PEX11G: variants seen among roughly 807,000 people sequenced by gnomAD.
PEX11G encodes peroxisomal biogenesis factor 11 gamma.
PEX11G carries 20 observed loss-of-function variants against 22.5 expected under a neutral mutation model. The ratio of observed to expected loss-of-function variants is 0.89; its 90% CI spans 0.62 to 1.29. The LOEUF (loss-of-function observed/expected upper bound fraction) is 1.29. Among genes scored for constraint, PEX11G ranks in the 50% most tolerant of loss-of-function variants. The pLI, the probability that PEX11G is intolerant of heterozygous loss-of-function variation, is 0.00. For synonymous variants in PEX11G, 141 were observed against 154.5 expected (o/e 0.91, Z 0.65); for missense variants, 347 against 331.3 (o/e 1.05, Z -0.37).
chr19:7,487,470 C>T (rs181873305), intron 1 of PEX11G, among the ~76,000 whole-genome samples: 33 of 152,276 alleles, frequency 2.2e-4, no homozygotes, highest in East Asian at 7.7e-4. Flanking sequence ...CTCTGCTCCC[C>T]AGGCTCGAGT....
In PEX11G at chr19:7,477,522, G is replaced by T. The variant is rs979622698; in HGVS notation, c.492-86C>A. The T allele has an allele frequency of 6.2e-5, 71 of 1,140,668 alleles. No individual in the cohort carries two copies. The Admixed American group carries it at 7.8e-4, about 13-fold the overall frequency. The allele number at this position is 1,140,668 out of a possible 1,614,324, so 70.7% of individuals were successfully genotyped here. A position where few individuals can be genotyped will look rare whatever the true frequency, so the allele number is the denominator to read the frequency against. ...CCTGAATGCCCTGTGTGGCCTGGCA[G>T]CCCTGAGCCCCTGCCTGTGAGTGGG... On this transcript the variant is annotated intron_variant, in intron 4 of 4. Transcript: ENST00000221480.
intron 2 of PEX11G, among the ~76,000 whole-genome samples, chr19:7,482,908 C>T (rs1246217686): frequency 2.6e-5 from 4 of 152,252 alleles, no homozygotes; most frequent in African/African-American, 9.6e-5. Flanking sequence ...GCAATGCACA[C>T]GCGGGCTCTC....
At chr19:7,483,083 C>A in intron 2 of PEX11G, among the ~76,000 whole-genome samples, 1 of 151,260 alleles carries the variant, frequency 6.6e-6, no homozygotes, top group Non-Finnish European at 1.5e-5. Context: ...GACCCCACCC[C>A]CCTTGGGACC....
At chr19:7,493,128 G>A (rs2021918325), upstream of PEX11G, 1 of 152,142 alleles carries the variant, frequency 6.6e-6, no homozygotes, top group Admixed American at 6.6e-5. Context: ...AGGGAGCATG[G>A]AACACAAGGG....
At chr19:7,488,536 AC>A (rs139119193) in intron 1 of PEX11G, among the ~76,000 whole-genome samples, 9,852 of 152,288 alleles carry the variant, frequency 0.065, 523 homozygotes, top group African/African-American at 0.14. Flanking sequence ...GCGGTGGCTC[AC>A]GCCTGTAATC....
chr19:7,494,592 T>C (rs1183993607), intron 1 of PEX11G, among the ~76,000 whole-genome samples: 1 of 152,150 alleles, frequency 6.6e-6, no homozygotes, highest in East Asian at 1.9e-4. Flanking sequence ...GCAGTGAGCT[T>C]TGCAGACACA....
At position 7,489,023 on chromosome 19, in the gene PEX11G, A is replaced by G; in HGVS notation, c.-13T>C. 3 of 1,512,570 alleles carry G rather than the reference A, an allele frequency of 2.0e-6. No homozygotes were observed. Among genetic ancestry groups the G allele is most frequent in the East Asian group, 2.7e-5 (1 of 37,074 alleles). The allele number at this position is 1,512,570 out of a possible 1,614,324, so 93.7% of individuals were successfully genotyped here. ...TCAGCGACGCCATGGCAACTCCGTGACGTCACCGCGACGTCGGCGCGCCGC... is the reference window on the plus strand; with the variant it reads ...TCAGCGACGCCATGGCAACTCCGTGGCGTCACCGCGACGTCGGCGCGCCGC... On this transcript the variant is annotated 5_prime_UTR_variant, in exon 1 of 5. Transcript: ENST00000221480.
upstream of PEX11G, among the ~76,000 whole-genome samples, chr19:7,491,812 C>G (rs1281096400): frequency 6.6e-6 from 1 of 152,040 alleles, no homozygotes; most frequent in African/African-American, 2.4e-5. Context: ...GCCACCACAT[C>G]TGGCCAATTT....
At chr19:7,483,797 G>A (rs1279474140) in intron 2 of PEX11G, among the ~76,000 whole-genome samples, 6 of 152,024 alleles carry the variant, frequency 3.9e-5, no homozygotes, top group African/African-American at 1.2e-4. Flanking sequence ...GAACAGACAG[G>A]GCAGCCCAGG....
chr19:7,485,835 TA>T lies in PEX11G; in HGVS notation c.249+2del. ...CTCCCTAGAGCCCCACAAACCCTGTTACCTGTGCCCCCAGGCCATATTGCTT... is the reference window on the plus strand; with the variant it reads ...CTCCCTAGAGCCCCACAAACCCTGTTCCTGTGCCCCCAGGCCATATTGCTT... On this transcript the variant is annotated splice_donor_variant, in intron 2 of 4. Transcript: ENST00000221480. LOFTEE classifies it high-confidence loss of function. The T allele has an allele frequency of 6.3e-7, 1 of 1,591,202 alleles. No homozygotes were observed. The highest frequency in any genetic ancestry group is 8.6e-7 in the Non-Finnish European group (1 of 1,161,478).
At chr19:7,488,153 C>A (rs568211617) in intron 1 of PEX11G, among the ~76,000 whole-genome samples, 1 of 152,322 alleles carries the variant, frequency 6.6e-6, no homozygotes, top group African/African-American at 2.4e-5. Flanking sequence ...TCCTAAATGT[C>A]CAAACATGGG....
At chr19:7,488,798 T>C (rs577277752) in intron 1 of PEX11G, among the ~76,000 whole-genome samples, 153 bp downstream of exon 1, 66 of 152,276 alleles carry the variant, frequency 4.3e-4, no homozygotes, top group African/African-American at 1.6e-3. Flanking sequence ...TACATAAATG[T>C]CCAATGCTAG....
intron 3 of PEX11G, among the ~76,000 whole-genome samples, chr19:7,480,225 G>A (rs1023552881): frequency 6.6e-6 from 1 of 150,856 alleles, no homozygotes; most frequent in African/African-American, 2.4e-5. Flanking sequence ...TCAAGATTGA[G>A]CCACTGCTTT....
chr19:7,485,280 C>T (rs530618241), intron 2 of PEX11G, among the ~76,000 whole-genome samples: 1 of 152,332 alleles, frequency 6.6e-6, no homozygotes, highest in South Asian at 2.1e-4. Context: ...AAGTGATTCT[C>T]CTGCCTCAGC....
Position 7,477,130 on chromosome 19 carries a change from C to T in PEX11G, c.*72G>A. 4 of 1,346,720 alleles carry T rather than the reference C, an allele frequency of 3.0e-6. No individual in the cohort carries two copies. Among genetic ancestry groups the T allele is most frequent in the Non-Finnish European group, 3.9e-6 (4 of 1,029,340 alleles). The allele number at this position is 1,346,720 out of a possible 1,614,324, so 83.4% of individuals were successfully genotyped here. A position where few individuals can be genotyped will look rare whatever the true frequency, so the allele number is the denominator to read the frequency against. On this transcript the variant is annotated 3_prime_UTR_variant, in exon 5 of 5. Coordinates refer to ENST00000221480, the MANE Select transcript of PEX11G (RefSeq NM_080662.4). ...GCTCCATGAGAGCCCCGGCCCCTGC[C>T]CTGGCGGCTTCTGCTTTGCGGGAAG... is the stretch of plus-strand genomic sequence containing the variant.
chr19:7,479,070 C>T (rs1026655502), intron 3 of PEX11G, among the ~76,000 whole-genome samples: 1 of 152,360 alleles, frequency 6.6e-6, no homozygotes, highest in South Asian at 2.1e-4. Flanking sequence ...GGTCACAACT[C>T]CTCTGGCCAC....
intron 1 of PEX11G, 121 bp from the exon 2 acceptor site, chr19:7,486,147 G>A: frequency 1.2e-6 from 1 of 843,648 alleles, no homozygotes; most frequent in Non-Finnish European, 1.7e-6. Flanking sequence ...TTTTTTTTTT[G>A]AAAGAGTCTC....
intron 1 of PEX11G, among the ~76,000 whole-genome samples, chr19:7,494,186 C>T (rs1410286550): frequency 1.3e-5 from 2 of 152,170 alleles, no homozygotes; most frequent in African/African-American, 2.4e-5. Flanking sequence ...GGATTACAGG[C>T]ATGAGCCACT....
upstream of PEX11G, chr19:7,489,180 G>A (rs940603928): frequency 1.3e-6 from 1 of 757,018 alleles, no homozygotes; most frequent in African/African-American, 1.9e-5. Context: ...GCAGAGGTGG[G>A]GCCGACACGT....
Sources: gnomAD v4.1 joint callset for allele counts (sites outside exome capture counted in the v4.1 genomes callset) on GRCh38, gnomAD v4.1.1 for gene constraint, MANE v1.5 for transcripts, NCBI Gene and HGNC (gene_info 2026-07-23, HGNC 2026-07-21) for gene names.